The following MYOM1 variants were observed in gnomAD, a reference collection of about 807,000 sequenced individuals.
MYOM1 encodes the protein myomesin-1.
MYOM1 carries 164 observed loss-of-function variants against 205.3 expected under a neutral mutation model. The observed-to-expected ratio is 0.80, with a 90% CI of 0.70 to 0.91. The LOEUF is 0.91. Ranked by LOEUF, MYOM1 falls within the 40% of genes least tolerant of loss-of-function variation. The pLI is 0.00. For missense variants in MYOM1, 2,011 were observed against 2,127.3 expected (o/e 0.95, Z 1.08); for synonymous variants, 772 against 789.4 (o/e 0.98, Z 0.37).
At chr18:3,129,730 G>T in intron 17 of MYOM1, 1 of 477,890 alleles carries the variant, frequency 2.1e-6, no homozygotes, top group Non-Finnish European at 3.6e-6. Flanking sequence ...CCCGTATTCT[G>T]GAAAAAGAAG....
chr18:3,233,530 G>T, the MYOM1 span, among the ~76,000 whole-genome samples: 13 of 152,156 alleles, frequency 8.5e-5, no homozygotes, highest in African/African-American at 2.9e-4. Context: ...ATAGACCCTG[G>T]TAAAGCCCCT....
the MYOM1 span, chr18:3,245,812 G>C: frequency 6.6e-6 from 1 of 152,170 alleles, no homozygotes; most frequent in African/African-American, 2.4e-5. Flanking sequence ...CCTTCCACTA[G>C]TTCCCAGACA....
At chr18:3,090,628 C>T (rs1567899995) in intron 27 of MYOM1, 30 bp downstream of exon 27, 1 of 1,612,768 alleles carries the variant, frequency 6.2e-7, no homozygotes, top group South Asian at 1.1e-5. Flanking sequence ...GTAGCAAAGC[C>T]TGCTGGTTAA....
intron 2 of MYOM1, among the ~76,000 whole-genome samples, chr18:3,197,339 T>A (rs557870334): frequency 1.1e-4 from 17 of 152,142 alleles, no homozygotes; most frequent in African/African-American, 4.1e-4. Context: ...AGTTTCGCCA[T>A]GTTGGCCAGG....
Position 3,164,345 on chromosome 18 carries a change from G to T in MYOM1, c.1434C>A (p.Gly478=). 1 of 1,612,396 alleles carries T rather than the reference G, an allele frequency of 6.2e-7. No homozygotes were observed. Residue 478 remains glycine (G), a synonymous_variant, in exon 10 of 38, where the codon GGC becomes GGA. Coordinates refer to ENST00000356443, the MANE Select transcript of MYOM1 (RefSeq NM_003803.4). ...TFSHLNKEDE[G]LYTIRVRMGE... ...CCATCCGTACACGGATTGTATAGAG[G>T]CCTTCATCTTCTTTGTTGAGATGGG... is the stretch of plus-strand genomic sequence containing the variant.
intron 10 of MYOM1, among the ~76,000 whole-genome samples, chr18:3,162,754 G>A (rs2080410550): frequency 6.9e-6 from 1 of 144,640 alleles, no homozygotes; most frequent in African/African-American, 2.6e-5. Context: ...AAGGCCGGGC[G>A]TGGGCTCACG....
At position 3,149,218 on chromosome 18, in the gene MYOM1, A is replaced by G. The variant is rs756089265; in HGVS notation, c.1844-17T>C. 50 of 1,606,752 alleles carry G rather than the reference A, an allele frequency of 3.1e-5. No homozygotes were observed. The Admixed American group carries it at 7.6e-4, about 24-fold the overall frequency. On this transcript the variant is annotated splice_polypyrimidine_tract_variant and intron_variant, in intron 12 of 37. Transcript: ENST00000356443. Reference sequence around the variant, plus strand: ...AGGGGCGACCTGAATAAAGACAAATATAAGAATCACAAACGTTTACAAGTG... The same window carrying G: ...AGGGGCGACCTGAATAAAGACAAATGTAAGAATCACAAACGTTTACAAGTG...
At chr18:3,151,569 A>C in intron 12 of MYOM1, 125 bp downstream of exon 12, 2 of 770,546 alleles carry the variant, frequency 2.6e-6, no homozygotes, top group Non-Finnish European at 3.8e-6. Context: ...TTTCTGATGA[A>C]AAAAGGATTT....
the MYOM1 span, among the ~76,000 whole-genome samples, chr18:3,242,205 G>T: frequency 0.57 from 86,266 of 151,904 alleles, 25,563 homozygotes; most frequent in East Asian, 0.77. Flanking sequence ...CAGGGTGGAA[G>T]GATACGGCTT....
chr18:3,155,428 G>C (rs192686318), intron 10 of MYOM1, among the ~76,000 whole-genome samples: 183 of 152,274 alleles, frequency 1.2e-3, no homozygotes, highest in African/African-American at 4.3e-3. Context: ...GTTTCACCGT[G>C]TTAGCCAGGA....
At chr18:3,205,860 C>CA (rs1176082687) in intron 2 of MYOM1, among the ~76,000 whole-genome samples, 6 of 151,668 alleles carry the variant, frequency 4.0e-5, no homozygotes, top group African/African-American at 7.3e-5. Flanking sequence ...ATTTATTTGA[C>CA]AAAAAAAATT....
chr18:3,151,549 C>G (rs947518780), intron 12 of MYOM1, 145 bp downstream of exon 12: 4 of 535,300 alleles, frequency 7.5e-6, no homozygotes, highest in Admixed American at 3.8e-5. Context: ...AAGGATTCTC[C>G]CCCTCGGATT....
At chr18:3,142,596 T>TC (rs1026409865) in intron 13 of MYOM1, among the ~76,000 whole-genome samples, 19 of 57,092 alleles carry the variant, frequency 3.3e-4, no homozygotes, top group East Asian at 8.3e-4. Context: ...AATATAGAGC[T>TC]AAGAATCTAG....
intron 37 of MYOM1, among the ~76,000 whole-genome samples, chr18:3,068,921 T>A (rs1231094603): frequency 6.6e-6 from 1 of 152,082 alleles, no homozygotes; most frequent in Non-Finnish European, 1.5e-5. Context: ...CATGTTTCAT[T>A]TTTTCTTTAT....
chr18:3,206,361 A>C (rs2081123388), intron 2 of MYOM1, among the ~76,000 whole-genome samples: 1 of 152,190 alleles, frequency 6.6e-6, no homozygotes, highest in Admixed American at 6.5e-5. Context: ...AGAGAGAAAG[A>C]GGCCATGTTT....
At chr18:3,186,602 T>C (rs1003863735) in intron 5 of MYOM1, among the ~76,000 whole-genome samples, 2 of 152,190 alleles carry the variant, frequency 1.3e-5, no homozygotes, top group African/African-American at 4.8e-5. Context: ...TTATTCTTTA[T>C]GGAAAGAAAA....
chr18:3,087,740 T>C (rs1235840092), intron 29 of MYOM1, among the ~76,000 whole-genome samples: 1 of 152,168 alleles, frequency 6.6e-6, no homozygotes, highest in African/African-American at 2.4e-5. Flanking sequence ...TCTGCCTGCT[T>C]TGGCCTCCCA....
chr18:3,084,927 A>G (rs2079131916), intron 31 of MYOM1, 118 bp downstream of exon 31: 2 of 777,484 alleles, frequency 2.6e-6, no homozygotes, highest in Admixed American at 5.6e-5. Context: ...CAATTAAGCC[A>G]AAATCTGTGG....
At chr18:3,103,054 T>C (rs990148528) in intron 22 of MYOM1, among the ~76,000 whole-genome samples, 2 of 152,232 alleles carry the variant, frequency 1.3e-5, no homozygotes, top group African/African-American at 4.8e-5. Flanking sequence ...CAAAAGGAAA[T>C]TGAATGGGAG....
Sources: gnomAD v4.1 joint callset for allele counts (sites outside exome capture counted in the v4.1 genomes callset) on GRCh38, gnomAD v4.1.1 for gene constraint, MANE v1.5 for transcripts, NCBI Gene and HGNC (gene_info 2026-07-23, HGNC 2026-07-21) for gene names.